Variants in MDFIC observed in about 807,000 individuals in gnomAD.
MDFIC encodes the protein myoD family inhibitor domain-containing protein.
In MDFIC, 17 loss-of-function variants were observed where a neutral mutation model predicts 23.2. That is an observed-to-expected ratio of 0.73 (90% CI 0.50 to 1.10). The LOEUF is 1.10. MDFIC is among the 50% of genes least tolerant of loss of function. MDFIC has a pLI of 0.00. For synonymous variants in MDFIC, 120 were observed against 115.2 expected (o/e 1.04, Z -0.27); for missense variants, 356 against 316.6 (o/e 1.12, Z -0.95).
chr7:115,008,325 G>A (rs1791613069), intron 4 of MDFIC, among the ~76,000 whole-genome samples: 2 of 149,686 alleles, frequency 1.3e-5, no homozygotes, highest in African/African-American at 4.9e-5. Context: ...AGGTTCTTTT[G>A]ACTTTGTTGA....
chr7:114,964,252 G>T (rs1248413109), intron 3 of MDFIC, among the ~76,000 whole-genome samples: 2 of 152,096 alleles, frequency 1.3e-5, no homozygotes, highest in Non-Finnish European at 2.9e-5. Flanking sequence ...TGCATGGGAT[G>T]GTTTATAGGG....
chr7:114,942,182 C>T (rs764463076), intron 2 of MDFIC, 93 bp from the exon 3 acceptor site: 12 of 762,156 alleles, frequency 1.6e-5, no homozygotes, highest in Non-Finnish European at 2.3e-5. Context: ...TAAATTATGG[C>T]AGACTTGGAA....
At chr7:114,932,927 T>G (rs188263558) in intron 2 of MDFIC, among the ~76,000 whole-genome samples, 143 of 152,350 alleles carry the variant, frequency 9.4e-4, no homozygotes, top group African/African-American at 2.7e-3. Context: ...TGCCACTATT[T>G]GGAAAGCTCT....
Position 114,922,273 on chromosome 7 carries a change from G to C in MDFIC, c.-471G>C, listed in dbSNP as rs1213966288. The C allele has an allele frequency of 2.5e-6, 2 of 790,608 alleles. No homozygotes were observed. The highest frequency in any genetic ancestry group is 4.3e-5 in the Admixed American group (1 of 23,098). The allele number at this position is 790,608 out of a possible 1,614,324, so 49.0% of individuals were successfully genotyped here. ...CTAGCCAAGAGTTCGAGGCCTTCCC[G>C]ATCCGGATGTGATGAAAAAGAGCAA... On this transcript the variant is annotated 5_prime_UTR_variant, in exon 1 of 5. Coordinates refer to ENST00000393486, the MANE Select transcript of MDFIC (RefSeq NM_001166345.3).
At chr7:114,960,683 C>T (rs899135542) in intron 3 of MDFIC, among the ~76,000 whole-genome samples, 2 of 152,000 alleles carry the variant, frequency 1.3e-5, no homozygotes, top group Non-Finnish European at 2.9e-5. Context: ...AACATTTTTC[C>T]AAATTTTCTG....
At chr7:115,002,984 C>G (rs1467635801) in intron 4 of MDFIC, among the ~76,000 whole-genome samples, 1 of 152,142 alleles carries the variant, frequency 6.6e-6, no homozygotes, top group Non-Finnish European at 1.5e-5. Flanking sequence ...TAGCTATGTG[C>G]GGTCCCTGTT....
chr7:115,015,552 A>G, intron 4 of MDFIC, 136 bp from the exon 5 acceptor site: 1 of 1,192,348 alleles, frequency 8.4e-7, no homozygotes, highest in Non-Finnish European at 1.2e-6. Context: ...TTGAGCTTCC[A>G]GCTCACAAAG....
At chr7:114,979,837 G>A in intron 4 of MDFIC, 56 bp downstream of exon 4, 3 of 1,555,068 alleles carry the variant, frequency 1.9e-6, no homozygotes, top group Non-Finnish European at 2.7e-6. Flanking sequence ...AATATTTCCT[G>A]GTAATTATTT....
At chr7:114,983,880 T>C (rs1399201624) in intron 4 of MDFIC, among the ~76,000 whole-genome samples, 1 of 152,148 alleles carries the variant, frequency 6.6e-6, no homozygotes, top group Non-Finnish European at 1.5e-5. Context: ...GAGTGCCTTC[T>C]ATGTGCTACT....
chr7:114,964,020 T>C (rs1422210035), intron 3 of MDFIC, among the ~76,000 whole-genome samples: 1 of 152,228 alleles, frequency 6.6e-6, no homozygotes, highest in East Asian at 1.9e-4. Flanking sequence ...AATGGGTATT[T>C]CAACTTCCTG....
At chr7:114,933,534 G>A (rs1434908911) in intron 2 of MDFIC, among the ~76,000 whole-genome samples, 1 of 152,176 alleles carries the variant, frequency 6.6e-6, no homozygotes, top group Non-Finnish European at 1.5e-5. Context: ...TGGGATTACA[G>A]GTGTGAGCCA....
At chr7:114,933,197 C>T (rs951867678) in intron 2 of MDFIC, among the ~76,000 whole-genome samples, 1 of 150,974 alleles carries the variant, frequency 6.6e-6, no homozygotes, top group Non-Finnish European at 1.5e-5. Flanking sequence ...TGCTGAAAGA[C>T]TAAAGATGGG....
At chr7:114,991,742 G>A (rs1791168459) in intron 4 of MDFIC, among the ~76,000 whole-genome samples, 1 of 152,142 alleles carries the variant, frequency 6.6e-6, no homozygotes, top group South Asian at 2.1e-4. Context: ...ATGCTGTTTT[G>A]GTTACTGTAG....
chr7:114,972,053 G>A (rs1404769132), intron 3 of MDFIC, among the ~76,000 whole-genome samples: 1 of 152,136 alleles, frequency 6.6e-6, no homozygotes, highest in East Asian at 1.9e-4. Flanking sequence ...AGGGTTAGAG[G>A]CTGGGAAGCT....
intron 3 of MDFIC, among the ~76,000 whole-genome samples, chr7:114,959,973 C>G (rs1051163882): frequency 3.3e-5 from 5 of 152,060 alleles, no homozygotes; most frequent in Non-Finnish European, 7.4e-5. Flanking sequence ...GCAGGCAGCA[C>G]ATAACACCAG....
At chr7:114,930,289 G>T (rs1199753720) in intron 2 of MDFIC, among the ~76,000 whole-genome samples, 1 of 152,222 alleles carries the variant, frequency 6.6e-6, no homozygotes, top group Admixed American at 6.5e-5. Context: ...CATAGGGTTG[G>T]AGGTTGGCAG....
chr7:114,972,017 G>A (rs1458538491), intron 3 of MDFIC, among the ~76,000 whole-genome samples: 1 of 152,128 alleles, frequency 6.6e-6, no homozygotes, highest in Non-Finnish European at 1.5e-5. Flanking sequence ...AAATTATGTA[G>A]AGGAGGATAA....
At chr7:114,947,026 G>A (rs529129954) in intron 3 of MDFIC, among the ~76,000 whole-genome samples, 1 of 152,284 alleles carries the variant, frequency 6.6e-6, no homozygotes, top group African/African-American at 2.4e-5. Context: ...TAAGCAAAGA[G>A]CATTAAGAGG....
At chr7:114,979,988 C>T in intron 4 of MDFIC, 2 of 648,168 alleles carry the variant, frequency 3.1e-6, no homozygotes, top group East Asian at 2.9e-5. Flanking sequence ...TTTAGATAAT[C>T]GTCTTCTAGA....
Sources: gnomAD v4.1 joint callset for allele counts (sites outside exome capture counted in the v4.1 genomes callset) on GRCh38, gnomAD v4.1.1 for gene constraint, MANE v1.5 for transcripts, NCBI Gene and HGNC (gene_info 2026-07-23, HGNC 2026-07-21) for gene names.